Variants in NTM observed in about 807,000 individuals in gnomAD.
The protein encoded by NTM is IgLON family member 2.
In NTM, 13 loss-of-function variants were observed where a neutral mutation model predicts 42.1. The ratio of observed to expected loss-of-function variants is 0.31; its 90% CI spans 0.20 to 0.49. The LOEUF (loss-of-function observed/expected upper bound fraction) is 0.49, where lower values mean the gene tolerates loss of function less well. Ranked by LOEUF, NTM falls within the 20% of genes least tolerant of loss-of-function variation. The probability of loss-of-function intolerance (pLI) is 0.99; values close to 1 mark genes in which losing one functional copy is unlikely to be tolerated. For synonymous variants in NTM, 187 were observed against 179.2 expected (o/e 1.04, Z -0.35); for missense variants, 373 against 452.8 (o/e 0.82, Z 1.60).
chr11:132,113,255 T>G (rs1440694294), intron 2 of NTM, among the ~76,000 whole-genome samples: 1 of 152,192 alleles, frequency 6.6e-6, no homozygotes, highest in East Asian at 1.9e-4. Context: ...TGGTAAGATA[T>G]TCAACTAGAG....
chr11:131,718,396 C>T (rs1400035269), intron 1 of NTM, among the ~76,000 whole-genome samples: 1 of 152,150 alleles, frequency 6.6e-6, no homozygotes, highest in Non-Finnish European at 1.5e-5. Flanking sequence ...TTGGCTCTTG[C>T]TCTTAATATC....
At chr11:132,009,397 G>T (rs762149433) in intron 2 of NTM, among the ~76,000 whole-genome samples, 21 of 152,152 alleles carry the variant, frequency 1.4e-4, no homozygotes, top group African/African-American at 5.1e-4. Context: ...TGTATGTGCC[G>T]ATGTAAAGCC....
intron 2 of NTM, among the ~76,000 whole-genome samples, chr11:132,014,736 G>GTTTTTTTTTTTT (rs146527050): frequency 6.0e-5 from 5 of 84,016 alleles, no homozygotes; most frequent in African/African-American, 1.0e-4. Flanking sequence ...AGAATTACTT[G>GTTTTTTTTTTTT]TTTTTTTTTT....
intron 2 of NTM, among the ~76,000 whole-genome samples, chr11:132,108,688 T>C (rs1371447109): frequency 6.6e-6 from 1 of 151,912 alleles, no homozygotes; most frequent in Non-Finnish European, 1.5e-5. Flanking sequence ...AAATAAAAAA[T>C]TTAAAAAAAA....
intron 1 of NTM, among the ~76,000 whole-genome samples, chr11:131,811,628 G>T (rs1299469339): frequency 2.0e-5 from 3 of 152,216 alleles, no homozygotes; most frequent in African/African-American, 7.2e-5. Flanking sequence ...AATATGTCAT[G>T]ATGTATATTG....
At chr11:132,175,572 C>T (rs563808564) in intron 3 of NTM, among the ~76,000 whole-genome samples, 115 of 151,706 alleles carry the variant, frequency 7.6e-4, no homozygotes, top group Admixed American at 1.2e-3. Context: ...TATTCTCAGA[C>T]TAAAAAAATC....
intron 2 of NTM, among the ~76,000 whole-genome samples, chr11:131,965,082 G>T (rs1453714001): frequency 1.3e-5 from 2 of 152,140 alleles, no homozygotes; most frequent in African/African-American, 4.8e-5. Context: ...GGGGAAAGGG[G>T]TGGAAATAGA....
intron 3 of NTM, among the ~76,000 whole-genome samples, chr11:132,173,078 G>C (rs1259735615): frequency 6.6e-6 from 1 of 152,166 alleles, no homozygotes; most frequent in East Asian, 1.9e-4. Context: ...TATGCAGTGA[G>C]GTCAAGTAAT....
At chr11:131,776,048 A>G (rs542354508) in intron 1 of NTM, among the ~76,000 whole-genome samples, 26 of 152,238 alleles carry the variant, frequency 1.7e-4, no homozygotes, top group African/African-American at 5.8e-4. Flanking sequence ...TTCTCTGCAT[A>G]TATCTCTGGC....
intron 1 of NTM, among the ~76,000 whole-genome samples, chr11:131,560,680 A>T (rs547463926): frequency 7.2e-5 from 11 of 152,344 alleles, no homozygotes; most frequent in African/African-American, 2.6e-4. Context: ...CTTTAAGGCC[A>T]TCTCAATAAG....
At chr11:131,953,620 C>A (rs1028609136) in intron 2 of NTM, among the ~76,000 whole-genome samples, 1 of 152,144 alleles carries the variant, frequency 6.6e-6, no homozygotes, top group East Asian at 1.9e-4. Context: ...TGTCAGTTTT[C>A]TTTGCTATTA....
chr11:131,402,372 C>T (rs1420449885), intron 1 of NTM, among the ~76,000 whole-genome samples: 3 of 144,866 alleles, frequency 2.1e-5, no homozygotes, highest in Non-Finnish European at 3.0e-5. Context: ...TGCTTATCTC[C>T]CCAAGAAAAA....
At chr11:131,740,252 C>G (rs1267758748) in intron 1 of NTM, among the ~76,000 whole-genome samples, 1 of 152,126 alleles carries the variant, frequency 6.6e-6, no homozygotes, top group African/African-American at 2.4e-5. Context: ...CATCCATGTG[C>G]CTCGATTTCC....
intron 4 of NTM, among the ~76,000 whole-genome samples, chr11:132,275,702 G>GTA (rs530250021): frequency 0.014 from 989 of 72,042 alleles, 15 homozygotes; most frequent in African/African-American, 0.044. Flanking sequence ...ATATATATAT[G>GTA]TATATATATA....
chr11:132,261,884 T>C (rs1250483137), intron 4 of NTM, among the ~76,000 whole-genome samples: 1 of 152,170 alleles, frequency 6.6e-6, no homozygotes. Flanking sequence ...TGAAAACCCA[T>C]AAAGCCAAGG....
intron 2 of NTM, among the ~76,000 whole-genome samples, chr11:131,999,355 G>T (rs1291377220): frequency 6.6e-6 from 1 of 152,140 alleles, no homozygotes; most frequent in African/African-American, 2.4e-5. Context: ...AGCAGCACGA[G>T]GTATCTTAGT....
intron 1 of NTM, among the ~76,000 whole-genome samples, chr11:131,485,412 G>GGT (rs1248065688): frequency 2.6e-5 from 4 of 152,132 alleles, no homozygotes; most frequent in African/African-American, 9.7e-5. Context: ...TTATTTTGCA[G>GGT]GTGTGTGTGA....
chr11:131,380,212 CTTTTT>C (rs34132358), intron 1 of NTM, among the ~76,000 whole-genome samples: 1 of 124,650 alleles, frequency 8.0e-6, no homozygotes, highest in African/African-American at 3.3e-5. Context: ...TCCTTTGAGT[CTTTTT>C]TTTTTTTTTT....
At chr11:131,585,288 T>G (rs1448055015) in intron 1 of NTM, among the ~76,000 whole-genome samples, 1 of 152,232 alleles carries the variant, frequency 6.6e-6, no homozygotes, top group East Asian at 1.9e-4. Flanking sequence ...GAGAATTCTT[T>G]CGTCAGATCT....
Sources: allele counts gnomAD v4.1 joint callset (sites outside exome capture counted in the v4.1 genomes callset), GRCh38; gene constraint gnomAD v4.1.1; transcripts MANE v1.5; gene names NCBI Gene and HGNC (gene_info 2026-07-23, HGNC 2026-07-21).